Variants in ABHD18 observed in about 807,000 individuals in gnomAD.
ABHD18 encodes the protein cardiolipin-specific deacylase, mitochondrial.
In ABHD18, 55 loss-of-function variants were observed where a neutral mutation model predicts 65.9. The observed-to-expected ratio is 0.84, with a 90% CI of 0.67 to 1.05. The LOEUF (loss-of-function observed/expected upper bound fraction) is 1.05. ABHD18 is among the 50% of genes least tolerant of loss of function. The probability of loss-of-function intolerance (pLI) is 0.00; values close to 1 mark genes in which losing one functional copy is unlikely to be tolerated. For synonymous variants in ABHD18, 181 were observed against 180.2 expected, an observed-to-expected ratio of 1.00 and a Z score of -0.04; for missense variants, 533 against 558.5, an observed-to-expected ratio of 0.95 and a Z score of 0.46.
chr4:127,997,508 T>G (rs1328928652), intron 4 of ABHD18, among the ~76,000 whole-genome samples: 3 of 152,256 alleles, frequency 2.0e-5, no homozygotes, highest in Non-Finnish European at 4.4e-5. Flanking sequence ...ACTGATTTCA[T>G]ATGACTTAAA....
At chr4:127,996,947 G>A (rs1440046834) in intron 4 of ABHD18, among the ~76,000 whole-genome samples, 1 of 152,150 alleles carries the variant, frequency 6.6e-6, no homozygotes, top group African/African-American at 2.4e-5. Context: ...AGGGTGCACT[G>A]ATTTCATATT....
chr4:127,983,799 A>G (rs545706371), intron 2 of ABHD18, among the ~76,000 whole-genome samples: 143 of 152,288 alleles, frequency 9.4e-4, no homozygotes, highest in Middle Eastern at 6.8e-3. Flanking sequence ...TGGGAGGTGG[A>G]GGTTGCAGTG....
chr4:128,003,261 A>T (rs1185674650), intron 4 of ABHD18, among the ~76,000 whole-genome samples: 1 of 151,642 alleles, frequency 6.6e-6, no homozygotes, highest in Non-Finnish European at 1.5e-5. Context: ...CCAGCTACAC[A>T]GGAGGCTGAG....
At chr4:128,001,839 TTGTTTTG>T in intron 4 of ABHD18, 4 of 1,331,378 alleles carry the variant, frequency 3.0e-6, no homozygotes, top group African/African-American at 4.6e-5. Context: ...GAGTTTTGTT[TTGTTTTG>T]TTTTTTTTTT....
intron 3 of ABHD18, among the ~76,000 whole-genome samples, chr4:127,988,243 T>A (rs1259899037): frequency 6.6e-6 from 1 of 152,174 alleles, no homozygotes; most frequent in Non-Finnish European, 1.5e-5. Context: ...AATACTGTTT[T>A]GTTTTGAGAC....
At position 127,976,352 on chromosome 4, in the gene ABHD18, G is replaced by C. The variant is rs572074546; in HGVS notation, c.-17-6587G>C. ...AACTTTGAATCTCAATTAAGCAAAC[G>C]CCCAAGAAAAAAAAAGTTTATTCTT... On this transcript the variant is annotated intron_variant, in intron 1 of 12. Coordinates refer to ENST00000645843, the MANE Select transcript of ABHD18 (RefSeq NM_001358451.3). Among the ~76,000 whole-genome samples the C allele has an allele frequency of 4.2e-4, 64 of 150,696 alleles. No individual in the cohort carries two copies. In the South Asian group the frequency reaches 7.3e-3, roughly 17 times the overall value.
At chr4:127,992,222 A>C (rs1413638512) in intron 4 of ABHD18, among the ~76,000 whole-genome samples, 1 of 152,192 alleles carries the variant, frequency 6.6e-6, no homozygotes, top group African/African-American at 2.4e-5. Context: ...CTGTAATCCC[A>C]GCACTTTGGG....
At chr4:127,984,880 A>T (rs1315483282) in intron 3 of ABHD18, among the ~76,000 whole-genome samples, 2 of 152,212 alleles carry the variant, frequency 1.3e-5, no homozygotes, top group Non-Finnish European at 2.9e-5. Context: ...TAAATAAATA[A>T]ATAATACTAT....
intron 1 of ABHD18, among the ~76,000 whole-genome samples, chr4:127,970,239 T>C (rs1746473018): frequency 6.6e-6 from 1 of 152,112 alleles, no homozygotes; most frequent in South Asian, 2.1e-4. Context: ...CTTATTGTTA[T>C]TGATGCCATG....
At chr4:128,001,451 A>T (rs1321610247) in intron 4 of ABHD18, among the ~76,000 whole-genome samples, 7 of 152,192 alleles carry the variant, frequency 4.6e-5, no homozygotes, top group Non-Finnish European at 2.9e-5. Context: ...ATTTGCATAT[A>T]TTGAACCAAT....
intron 11 of ABHD18, among the ~76,000 whole-genome samples, chr4:128,029,306 G>A (rs889658130): frequency 6.6e-6 from 1 of 152,116 alleles, no homozygotes; most frequent in African/African-American, 2.4e-5. Context: ...GTTGCAGTGA[G>A]CCAAGATCAC....
intron 10 of ABHD18, among the ~76,000 whole-genome samples, chr4:128,026,276 G>A (rs926418018): frequency 2.0e-5 from 3 of 151,038 alleles, no homozygotes; most frequent in East Asian, 3.9e-4. Context: ...GGACAAGAGC[G>A]AGACTTCTTC....
chr4:127,975,291 A>G (rs531651606), intron 1 of ABHD18, among the ~76,000 whole-genome samples: 2 of 152,268 alleles, frequency 1.3e-5, no homozygotes, highest in African/African-American at 4.8e-5. Context: ...TACCCATTAA[A>G]CAGTAGCCTC....
chr4:127,970,146 G>A (rs541098672), intron 1 of ABHD18, among the ~76,000 whole-genome samples: 1 of 151,996 alleles, frequency 6.6e-6, no homozygotes, highest in South Asian at 2.1e-4. Context: ...GCGTCCCAAA[G>A]TGCTGGGATT....
At chr4:128,006,112 G>T (rs1281541967) in intron 4 of ABHD18, among the ~76,000 whole-genome samples, 2 of 152,094 alleles carry the variant, frequency 1.3e-5, no homozygotes, top group Non-Finnish European at 2.9e-5. Flanking sequence ...GGGACACTGG[G>T]GAAGACTGTT....
intron 1 of ABHD18, among the ~76,000 whole-genome samples, chr4:127,980,089 G>A (rs1748744553): frequency 6.6e-6 from 1 of 152,106 alleles, no homozygotes; most frequent in Non-Finnish European, 1.5e-5. Context: ...GATAGTTCAC[G>A]TGTTGGAAAC....
At chr4:128,012,498 A>T (rs1276208592) in intron 7 of ABHD18, among the ~76,000 whole-genome samples, 1 of 152,186 alleles carries the variant, frequency 6.6e-6, no homozygotes, top group Non-Finnish European at 1.5e-5. Context: ...ACATTTTCTC[A>T]TAAAGTTCAT....
At chr4:128,001,874 C>A in intron 4 of ABHD18, 1 of 1,160,122 alleles carries the variant, frequency 8.6e-7, no homozygotes, top group Non-Finnish European at 1.1e-6. Context: ...TTGTGCCTGC[C>A]ACTCAGAAGA....
At chr4:128,011,810 TG>T (rs143560884) in intron 7 of ABHD18, 110 bp downstream of exon 7, 28,350 of 245,584 alleles carry the variant, frequency 0.12, 3,046 homozygotes, top group Non-Finnish European at 0.15. Context: ...CTAAATATTA[TG>T]GGGGGGGGGA....
Sources: allele counts gnomAD v4.1 joint callset (sites outside exome capture counted in the v4.1 genomes callset), GRCh38; gene constraint gnomAD v4.1.1; transcripts MANE v1.5; gene names NCBI Gene and HGNC (gene_info 2026-07-23, HGNC 2026-07-21).